GPBP1L1: variants seen among roughly 807,000 people sequenced by gnomAD.
GPBP1L1 encodes GC-rich promoter binding protein 1 like 1.
A neutral mutation model predicts 52.5 loss-of-function variants in GPBP1L1; 23 were observed. The ratio of observed to expected loss-of-function variants is 0.44; its 90% CI spans 0.32 to 0.62. The LOEUF (loss-of-function observed/expected upper bound fraction) is 0.62, where lower values mean the gene tolerates loss of function less well. Among genes scored for constraint, GPBP1L1 ranks in the 20% least tolerant of loss-of-function variants. The probability of loss-of-function intolerance (pLI) is 0.06; values close to 1 mark genes in which losing one functional copy is unlikely to be tolerated. For synonymous variants in GPBP1L1, 243 were observed against 203.1 expected, an observed-to-expected ratio of 1.20 and a Z score of -1.67; for missense variants, 596 against 579.3, an observed-to-expected ratio of 1.03 and a Z score of -0.30.
At chr1:45,651,386 T>C (rs569755953) in intron 6 of GPBP1L1, 5 of 384,062 alleles carry the variant, frequency 1.3e-5, no homozygotes, top group South Asian at 6.8e-5. Context: ...CTTCGTGTTC[T>C]CCACCAAGGT....
At chr1:45,673,951 G>A (rs1645107198) in intron 2 of GPBP1L1, among the ~76,000 whole-genome samples, 1 of 152,162 alleles carries the variant, frequency 6.6e-6, no homozygotes, top group Non-Finnish European at 1.5e-5. Context: ...GGTGGCCCAG[G>A]CTTGTAATTC....
At chr1:45,667,390 C>T (rs1237925149) in intron 2 of GPBP1L1, among the ~76,000 whole-genome samples, 3 of 152,160 alleles carry the variant, frequency 2.0e-5, no homozygotes, top group Non-Finnish European at 4.4e-5. Context: ...CTCTTCAAAA[C>T]CTCCAACTTA....
chr1:45,653,910 G>A (rs1644851769), intron 6 of GPBP1L1, among the ~76,000 whole-genome samples: 2 of 151,776 alleles, frequency 1.3e-5, no homozygotes, highest in African/African-American at 2.4e-5. Flanking sequence ...TGTTGGTCAG[G>A]CTGATCTTGA....
At chr1:45,662,830 T>A (rs1430812384) in intron 2 of GPBP1L1, among the ~76,000 whole-genome samples, 1 of 151,892 alleles carries the variant, frequency 6.6e-6, no homozygotes, top group African/African-American at 2.4e-5. Flanking sequence ...GACAGTGGAT[T>A]AATGGAGGTC....
intron 4 of GPBP1L1, 28 bp downstream of exon 4, chr1:45,659,000 A>T: frequency 6.9e-7 from 1 of 1,452,446 alleles, no homozygotes; most frequent in South Asian, 1.1e-5. Context: ...CATATTTGAG[A>T]AGTTACTACA....
intron 2 of GPBP1L1, among the ~76,000 whole-genome samples, chr1:45,666,497 G>A: frequency 6.6e-6 from 1 of 152,018 alleles, no homozygotes; most frequent in South Asian, 2.1e-4. Flanking sequence ...CTTCTTCCAG[G>A]ACACACACAG....
rs76578129 is a variant in GPBP1L1 at position 45,630,816 on chromosome 1, A to G, written c.1045-210T>C. 1,248 of 546,314 alleles carry G rather than the reference A, an allele frequency of 2.3e-3. 8 individuals are homozygous for G. Among genetic ancestry groups the G allele is most frequent in the African/African-American group, 0.022 (1,148 of 52,600 alleles). 33.8% of individuals were successfully genotyped at this position (546,314 alleles called of 1,614,324 possible). On this transcript the variant is annotated intron_variant, in intron 10 of 12. Coordinates refer to ENST00000355105, the MANE Select transcript of GPBP1L1 (RefSeq NM_021639.5). ...AATGAAAAGGCAAAAGATCCAGAAC[A>G]GCCAACACAATACTGAAGAATAAAA...
At chr1:45,679,271 CG>C (rs1278656635) in intron 2 of GPBP1L1, among the ~76,000 whole-genome samples, 2 of 152,104 alleles carry the variant, frequency 1.3e-5, no homozygotes, top group Non-Finnish European at 2.9e-5. Context: ...TTGGCAAACA[CG>C]AAAAACCAAA....
intron 12 of GPBP1L1, among the ~76,000 whole-genome samples, chr1:45,629,222 G>A (rs1644496577): frequency 6.6e-6 from 1 of 152,198 alleles, no homozygotes; most frequent in Admixed American, 6.5e-5. Context: ...AAACTACAGT[G>A]CAGATCAGGA....
chr1:45,672,135 G>C (rs1420629882), intron 2 of GPBP1L1, among the ~76,000 whole-genome samples: 1 of 152,170 alleles, frequency 6.6e-6, no homozygotes, highest in Non-Finnish European at 1.5e-5. Flanking sequence ...GGCCAAGGCA[G>C]GCAAATCACG....
At chr1:45,655,423 G>GT (rs1369868986) in intron 4 of GPBP1L1, 104 bp from the exon 5 acceptor site, 5 of 1,294,076 alleles carry the variant, frequency 3.9e-6, no homozygotes, top group Non-Finnish European at 5.5e-6. Flanking sequence ...AGTAATAATG[G>GT]TGATAGAAAC....
intron 6 of GPBP1L1, among the ~76,000 whole-genome samples, chr1:45,653,222 G>A (rs767266220): frequency 1.3e-5 from 2 of 152,142 alleles, no homozygotes; most frequent in Non-Finnish European, 2.9e-5. Flanking sequence ...TAACAGAAGC[G>A]ACTGATCGAT....
intron 8 of GPBP1L1, among the ~76,000 whole-genome samples, chr1:45,637,605 T>C (rs1644612729): frequency 6.6e-6 from 1 of 151,516 alleles, no homozygotes; most frequent in African/African-American, 2.4e-5. Context: ...AAGTTTTGTA[T>C]CATAATTTTT....
intron 8 of GPBP1L1, among the ~76,000 whole-genome samples, chr1:45,639,564 A>T (rs1644641854): frequency 1.5e-5 from 2 of 134,344 alleles, no homozygotes; most frequent in Non-Finnish European, 3.2e-5. Flanking sequence ...CTGTCTCTAC[A>T]AAAAATAATT....
In GPBP1L1 at chr1:45,655,788, A is replaced by G. The variant is rs79036702; in HGVS notation, c.61-469T>C. The G allele has an allele frequency of 3.1e-3, 475 of 154,756 alleles. 3 individuals are homozygous for G. The highest frequency in any genetic ancestry group is 0.023 in the East Asian group (119 of 5,216). 9.6% of individuals were successfully genotyped at this position (154,756 alleles called of 1,614,324 possible). On this transcript the variant is annotated intron_variant, in intron 4 of 12. Transcript: ENST00000355105. ...AATTACAGAACTTTTAAAAAAAAAA[A>G]AGAGATGAAGTCTCACGGTCGCCCA...
At chr1:45,666,389 G>A (rs1645011660) in intron 2 of GPBP1L1, among the ~76,000 whole-genome samples, 3 of 151,992 alleles carry the variant, frequency 2.0e-5, no homozygotes, top group South Asian at 4.2e-4. Flanking sequence ...CAGGTGATCC[G>A]CCCGCCTCGG....
At chr1:45,636,609 C>A (rs1465355413) in intron 8 of GPBP1L1, among the ~76,000 whole-genome samples, 1 of 152,198 alleles carries the variant, frequency 6.6e-6, no homozygotes, top group Non-Finnish European at 1.5e-5. Flanking sequence ...CGAGAATGCC[C>A]TACCTACTTG....
chr1:45,658,571 C>G (rs1240875657), intron 4 of GPBP1L1, among the ~76,000 whole-genome samples: 1 of 152,192 alleles, frequency 6.6e-6, no homozygotes, highest in Non-Finnish European at 1.5e-5. Flanking sequence ...ATCCTTCTAA[C>G]AGAAAGCTAT....
chr1:45,644,005 T>C (rs910999345), intron 6 of GPBP1L1, among the ~76,000 whole-genome samples: 6 of 152,094 alleles, frequency 3.9e-5, no homozygotes, highest in Non-Finnish European at 7.4e-5. Flanking sequence ...GTGAACATTA[T>C]ACAAACAACA....
Sources: gnomAD v4.1 joint callset for allele counts (sites outside exome capture counted in the v4.1 genomes callset) on GRCh38, gnomAD v4.1.1 for gene constraint, MANE v1.5 for transcripts, NCBI Gene and HGNC (gene_info 2026-07-23, HGNC 2026-07-21) for gene names.